TMTC2: variants seen among roughly 807,000 people sequenced by gnomAD.
TMTC2 encodes the protein protein O-mannosyl-transferase TMTC2.
Under a neutral mutation model 82.4 loss-of-function variants are expected in TMTC2, and 43 were observed. The observed-to-expected ratio is 0.52, with a 90% CI of 0.41 to 0.67. The LOEUF (loss-of-function observed/expected upper bound fraction) is 0.67. TMTC2 is among the 30% of genes least tolerant of loss of function. The pLI is 0.00. For synonymous variants in TMTC2, 408 were observed against 381.9 expected (o/e 1.07, Z -0.80); for missense variants, 919 against 1,012.4 (o/e 0.91, Z 1.25).
chr12:82,935,678 T>C (rs1480352293), intron 4 of TMTC2, among the ~76,000 whole-genome samples: 2 of 152,178 alleles, frequency 1.3e-5, no homozygotes, highest in South Asian at 2.1e-4. Context: ...GGTAATTCAA[T>C]AGAGCATTAA....
intron 4 of TMTC2, among the ~76,000 whole-genome samples, chr12:82,959,323 A>T (rs1012979163): frequency 6.6e-6 from 1 of 152,038 alleles, no homozygotes; most frequent in Admixed American, 6.6e-5. Context: ...TTAGAAAAAC[A>T]CTATTCTAAT....
rs1422664530 is a variant in TMTC2 at position 82,857,458 on chromosome 12, T to C, written c.532T>C (p.Cys178Arg). The C allele has an allele frequency of 1.2e-6, 2 of 1,614,212 alleles. No homozygotes were observed. The highest frequency in any genetic ancestry group is 1.7e-6 in the Non-Finnish European group (2 of 1,180,048). The stretch of plus-strand genomic sequence containing the variant: ...GGGCTGGTTCCTGGGGTCAGGACTG[T>C]GCGCAGGATGCAGCATGTTGTGGAA... ...TWGWFLGSGL[C>R]AGCSMLWKEQ... The change falls in exon 2 of 12, where the codon TGC (cysteine) becomes CGC (arginine). Residue 178 changes from cysteine to arginine, a missense_variant. Physicochemically the swap from Cys to Arg is radical, Grantham distance 180. Coordinates refer to ENST00000321196, the MANE Select transcript of TMTC2 (RefSeq NM_152588.3).
At chr12:82,844,781 G>GAT (rs772014612) in intron 1 of TMTC2, among the ~76,000 whole-genome samples, 4 of 150,492 alleles carry the variant, frequency 2.7e-5, no homozygotes, top group Non-Finnish European at 5.9e-5. Flanking sequence ...CAGCCTGGGC[G>GAT]ATAGAGTGAG....
chr12:82,793,220 A>G (rs976879282), intron 1 of TMTC2, among the ~76,000 whole-genome samples: 1 of 151,964 alleles, frequency 6.6e-6, no homozygotes, highest in African/African-American at 2.4e-5. Context: ...CTTTTTTAGT[A>G]CCTTTTGGTT....
intron 8 of TMTC2, among the ~76,000 whole-genome samples, chr12:83,018,313 ACTT>A (rs1185456966): frequency 1.3e-5 from 2 of 152,108 alleles, no homozygotes; most frequent in Non-Finnish European, 2.9e-5. Context: ...CAGGGTTTAA[ACTT>A]CTGCAGTACA....
intron 2 of TMTC2, among the ~76,000 whole-genome samples, chr12:82,868,539 G>C (rs1185108950): frequency 6.6e-6 from 1 of 152,082 alleles, no homozygotes; most frequent in Non-Finnish European, 1.5e-5. Context: ...TTTGGGCTCA[G>C]GAGGGTGCTG....
intron 2 of TMTC2, among the ~76,000 whole-genome samples, chr12:82,888,916 G>A (rs900243287): frequency 6.6e-6 from 1 of 152,014 alleles, no homozygotes; most frequent in African/African-American, 2.4e-5. Context: ...ATTAGAACAT[G>A]GAAAATATTT....
At chr12:83,018,307 G>T (rs1260196227) in intron 8 of TMTC2, among the ~76,000 whole-genome samples, 1 of 152,098 alleles carries the variant, frequency 6.6e-6, no homozygotes, top group East Asian at 1.9e-4. Context: ...TCCCCACAGG[G>T]TTTAAACTTC....
intron 1 of TMTC2, among the ~76,000 whole-genome samples, chr12:82,784,861 G>A (rs1055042788): frequency 2.0e-5 from 3 of 151,700 alleles, no homozygotes; most frequent in African/African-American, 2.4e-5. Context: ...GAGTTTCACT[G>A]ATTTCCTTGC....
chr12:82,795,850 T>C (rs940331105), intron 1 of TMTC2, among the ~76,000 whole-genome samples: 17 of 152,140 alleles, frequency 1.1e-4, no homozygotes, highest in Admixed American at 6.5e-4. Flanking sequence ...AATAAATTTT[T>C]CTGTAAGTTA....
chr12:82,953,890 A>G (rs1682591), intron 4 of TMTC2, among the ~76,000 whole-genome samples: 76 of 152,238 alleles, frequency 5.0e-4, no homozygotes, highest in Middle Eastern at 3.4e-3. Flanking sequence ...TTAAAGGACA[A>G]TCAAACGAAA....
chr12:82,738,650 C>T (rs111891676), intron 1 of TMTC2, among the ~76,000 whole-genome samples: 120 of 152,178 alleles, frequency 7.9e-4, no homozygotes, highest in Middle Eastern at 6.8e-3. Context: ...AGTAAGAAAA[C>T]GTGATAGTTA....
chr12:82,767,314 G>C (rs1877024413), intron 1 of TMTC2, among the ~76,000 whole-genome samples: 1 of 152,242 alleles, frequency 6.6e-6, no homozygotes, highest in South Asian at 2.1e-4. Flanking sequence ...AATGGGCACT[G>C]TGGCTTATGC....
chr12:82,948,899 T>A (rs1877187505), intron 4 of TMTC2, among the ~76,000 whole-genome samples: 1 of 152,154 alleles, frequency 6.6e-6, no homozygotes, highest in Non-Finnish European at 1.5e-5. Context: ...CAAACTTGTT[T>A]AAGTTAGGTT....
intron 9 of TMTC2, among the ~76,000 whole-genome samples, chr12:83,036,217 G>A (rs560150177): frequency 6.6e-6 from 1 of 152,240 alleles, no homozygotes; most frequent in Non-Finnish European, 1.5e-5. Flanking sequence ...CACTATGCTA[G>A]ATATAGGGAC....
At chr12:83,093,317 A>T (rs1883906167) in intron 11 of TMTC2, among the ~76,000 whole-genome samples, 1 of 152,192 alleles carries the variant, frequency 6.6e-6, no homozygotes, top group Non-Finnish European at 1.5e-5. Context: ...CCCTTGTCTG[A>T]ACTTGACCAA....
Position 82,857,313 on chromosome 12 carries a change from C to T in TMTC2, c.387C>T (p.His129=). 6.2e-7 allele frequency: 1 copy of T among 1,614,202 alleles called. No individual in the cohort carries two copies. The highest frequency in any genetic ancestry group is 2.2e-5 in the East Asian group (1 of 44,880). The change falls in exon 2 of 12, where the codon CAC becomes CAT. Residue 129 remains histidine, a synonymous_variant. Transcript: ENST00000321196. ...TGATGTTTGCTTCTCACCCCATTCA[C>T]ACGGAGGCAGTGGCAGGAATCGTGG... is the stretch of plus-strand genomic sequence containing the variant. ...AGLMFASHPI[H]TEAVAGIVGR... is the part of the protein sequence containing the mutation.
intron 1 of TMTC2, among the ~76,000 whole-genome samples, chr12:82,690,007 T>G (rs1872511696): frequency 6.6e-6 from 1 of 152,328 alleles, no homozygotes; most frequent in African/African-American, 2.4e-5. Flanking sequence ...AGCAGCAAAC[T>G]TTGTTTTTAT....
At chr12:83,070,871 G>A (rs1047967722) in intron 11 of TMTC2, among the ~76,000 whole-genome samples, 3 of 152,124 alleles carry the variant, frequency 2.0e-5, no homozygotes, top group Non-Finnish European at 4.4e-5. Flanking sequence ...TCCCTTGTAT[G>A]CCGATTTGCT....
Sources: allele counts gnomAD v4.1 joint callset (sites outside exome capture counted in the v4.1 genomes callset), GRCh38; gene constraint gnomAD v4.1.1; transcripts MANE v1.5; gene names NCBI Gene and HGNC (gene_info 2026-07-23, HGNC 2026-07-21).